The following WFDC1 variants were observed in gnomAD, a reference collection of about 807,000 sequenced individuals.
WFDC1 encodes WAP four-disulfide core domain protein 1.
A neutral mutation model predicts 32.9 loss-of-function variants in WFDC1; 39 were observed. The observed-to-expected ratio is 1.19, with a 90% CI of 0.92 to 1.55. The LOEUF (loss-of-function observed/expected upper bound fraction) is 1.55. Among genes scored for constraint, WFDC1 ranks in the 40% most tolerant of loss-of-function variants. WFDC1 has a pLI of 0.00. For missense variants in WFDC1, 386 were observed against 309.5 expected (o/e 1.25, Z -1.85); for synonymous variants, 184 against 137.4 (o/e 1.34, Z -2.37).
At chr16:84,318,416 T>G in intron 3 of WFDC1, 61 bp downstream of exon 3, 2 of 1,543,326 alleles carry the variant, frequency 1.3e-6, no homozygotes, top group Non-Finnish European at 1.8e-6. Flanking sequence ...TCTCAGCTGC[T>G]TCCAGAAAGC....
intron 1 of WFDC1, among the ~76,000 whole-genome samples, chr16:84,300,154 C>A (rs6564009): frequency 1.3e-5 from 2 of 152,188 alleles, no homozygotes; most frequent in Non-Finnish European, 2.9e-5. Context: ...ATCTTTGTAC[C>A]GTAAGCATCT....
At chr16:84,307,193 A>G (rs1036879029) in intron 1 of WFDC1, among the ~76,000 whole-genome samples, 5 of 152,108 alleles carry the variant, frequency 3.3e-5, no homozygotes, top group African/African-American at 9.7e-5. Context: ...TAGGCCAAGA[A>G]CCTTGGCTGT....
At chr16:84,309,845 ATGTGTGTGTGGGGGGGGCGTGCTTGTG>A (rs1438748842) in intron 1 of WFDC1, among the ~76,000 whole-genome samples, 1 of 106,578 alleles carries the variant, frequency 9.4e-6, no homozygotes, top group African/African-American at 4.0e-5. Flanking sequence ...GCGTGTGTAC[ATGTGTGTGTGGGGGGGGCGTGCTTGTG>A]TGTGTGTGTG....
In WFDC1 at chr16:84,319,508, C is replaced by A. The variant is rs200449936; in HGVS notation, c.499C>A (p.Pro167Thr). 47 of 1,612,926 alleles carry A rather than the reference C, an allele frequency of 2.9e-5. No homozygotes were observed. Among genetic ancestry groups the A allele is most frequent in the Non-Finnish European group, 3.5e-5 (41 of 1,179,972 alleles). Residue 167 changes from proline (P) to threonine (T), a missense_variant, in exon 4 of 7, where the codon CCA becomes ACA. Pro to Thr is a conservative substitution (Grantham distance 38, BLOSUM62 -1). Coordinates refer to ENST00000219454, the MANE Select transcript of WFDC1 (RefSeq NM_021197.4). ...PSGYECHILS[P>T]GDVAEGIPNR... ...GGGCTATGAGTGCCACATCCTGAGC[C>A]CAGGTGACGTGGCCGAAGGTATCCC... is the stretch of plus-strand genomic sequence containing the variant.
chr16:84,317,248 G>A (rs71404158), intron 2 of WFDC1: 16,452 of 151,828 alleles, frequency 0.11, 936 homozygotes, highest in African/African-American at 0.13. Flanking sequence ...AGCTGAGATC[G>A]TGCCACTACC....
chr16:84,316,885 G>T (rs1211881482), intron 2 of WFDC1: 1 of 152,138 alleles, frequency 6.6e-6, no homozygotes, highest in Admixed American at 6.5e-5. Context: ...GACTGAGGCA[G>T]GAGACTCGCT....
chr16:84,298,516 C>T (rs925535003), intron 1 of WFDC1, among the ~76,000 whole-genome samples: 1 of 152,192 alleles, frequency 6.6e-6, no homozygotes, highest in Non-Finnish European at 1.5e-5. Context: ...AGAGAAGCTA[C>T]TCCACATCTC....
At chr16:84,317,280 A>T (rs1033549740) in intron 2 of WFDC1, 1 of 150,498 alleles carries the variant, frequency 6.6e-6, no homozygotes, top group Non-Finnish European at 1.5e-5. Flanking sequence ...GTGACAGAAC[A>T]AGACTCTGTC....
chr16:84,300,346 G>A (rs970504828), intron 1 of WFDC1, among the ~76,000 whole-genome samples: 1 of 152,208 alleles, frequency 6.6e-6, no homozygotes, highest in African/African-American at 2.4e-5. Context: ...TTTCTCCAAG[G>A]TCCACTGGGT....
intron 5 of WFDC1, 107 bp downstream of exon 5, chr16:84,324,567 A>G (rs1421077806): frequency 1.2e-5 from 15 of 1,276,598 alleles, no homozygotes; most frequent in Non-Finnish European, 1.5e-5. Context: ...TATAGGGAAC[A>G]AAATGGGACC....
chr16:84,329,012 C>T (rs1306910380), intron 6 of WFDC1: 3 of 152,008 alleles, frequency 2.0e-5, no homozygotes, highest in African/African-American at 4.8e-5. Flanking sequence ...ATTCTTGTTC[C>T]AGCACTGTGG....
chr16:84,314,217 G>A (rs1187657061), intron 2 of WFDC1, among the ~76,000 whole-genome samples: 4 of 152,184 alleles, frequency 2.6e-5, no homozygotes, highest in African/African-American at 7.2e-5. Flanking sequence ...TTGGCAGGAC[G>A]GAGTTTCAGA....
intron 1 of WFDC1, among the ~76,000 whole-genome samples, chr16:84,299,860 C>G (rs1906832135): frequency 2.0e-5 from 3 of 152,158 alleles, no homozygotes. Context: ...GCTGGTGCCA[C>G]TTTCTCTTTC....
chr16:84,302,167 C>T (rs902680316), intron 1 of WFDC1, among the ~76,000 whole-genome samples: 3 of 151,730 alleles, frequency 2.0e-5, no homozygotes, highest in South Asian at 2.1e-4. Flanking sequence ...GCAAATCCAG[C>T]GGGACGGGAA....
At chr16:84,297,243 C>T (rs892406933) in intron 1 of WFDC1, among the ~76,000 whole-genome samples, 3 of 152,096 alleles carry the variant, frequency 2.0e-5, no homozygotes, top group African/African-American at 4.8e-5. Flanking sequence ...ATTGGCTCCT[C>T]GCTGAATTGA....
At chr16:84,307,482 C>T (rs1380352941) in intron 1 of WFDC1, among the ~76,000 whole-genome samples, 1 of 152,218 alleles carries the variant, frequency 6.6e-6, no homozygotes, top group Middle Eastern at 3.2e-3. Flanking sequence ...TCTTTGTTCT[C>T]TCCAAATTCT....
intron 3 of WFDC1, chr16:84,318,574 C>T: frequency 4.1e-6 from 2 of 484,992 alleles, no homozygotes; most frequent in Non-Finnish European, 7.6e-6. Flanking sequence ...GGCTTCGACT[C>T]TCCCCAAGAA....
chr16:84,319,478 C>A lies in WFDC1; in HGVS notation c.469C>A (p.Pro157Thr), dbSNP rs770089816. ...TEDGAEPLLC[P>T]SGYECHILSP... Reference sequence around the variant, plus strand: ...GGATGGGGCCGAACCCCTGCTCTGTCCCTCGGGCTATGAGTGCCACATCCT... The same window carrying A: ...GGATGGGGCCGAACCCCTGCTCTGTACCTCGGGCTATGAGTGCCACATCCT... The change falls in exon 4 of 7, where the codon CCC becomes ACC. Residue 157 changes from proline to threonine, a missense_variant. Transcript: ENST00000219454. The A allele has an allele frequency of 3.7e-6, 6 of 1,612,446 alleles. No individual in the cohort carries two copies. In the South Asian group the frequency reaches 5.5e-5, roughly 15 times the overall value.
At chr16:84,324,381 C>A (rs1222860263) in intron 4 of WFDC1, 38 bp from the exon 5 acceptor site, 1 of 1,606,442 alleles carries the variant, frequency 6.2e-7, no homozygotes, top group South Asian at 1.1e-5. Context: ...GCCTTCTAAA[C>A]TCCTAAAAGA....
Sources: allele counts gnomAD v4.1 joint callset (sites outside exome capture counted in the v4.1 genomes callset), GRCh38; gene constraint gnomAD v4.1.1; transcripts MANE v1.5; gene names NCBI Gene and HGNC (gene_info 2026-07-23, HGNC 2026-07-21).